Variants in PLS1 observed in about 807,000 individuals in gnomAD.
PLS1 encodes plastin 1.
Under a neutral mutation model 73.7 loss-of-function variants are expected in PLS1, and 32 were observed. That is an observed-to-expected ratio of 0.43 (90% CI 0.33 to 0.58). PLS1 has a LOEUF of 0.58. PLS1 is among the 20% of genes least tolerant of loss of function. The pLI, the probability that PLS1 is intolerant of heterozygous loss-of-function variation, is 0.04. For synonymous variants in PLS1, 217 were observed against 261.3 expected, an observed-to-expected ratio of 0.83 and a Z score of 1.63; for missense variants, 633 against 740.5, an observed-to-expected ratio of 0.85 and a Z score of 1.68.
At chr3:142,633,643 C>T (rs1031753714) in intron 1 of PLS1, among the ~76,000 whole-genome samples, 1 of 150,712 alleles carries the variant, frequency 6.6e-6, no homozygotes, top group African/African-American at 2.5e-5. Flanking sequence ...GCGAGAAGAG[C>T]GAAACTCCAT....
chr3:142,671,169 TTAAG>T, intron 4 of PLS1, 47 bp downstream of exon 4: 1 of 1,493,236 alleles, frequency 6.7e-7, no homozygotes, highest in African/African-American at 1.4e-5. Context: ...GATTCATTGA[TTAAG>T]TGACATATTT....
chr3:142,668,633 G>A (rs370990648), intron 2 of PLS1, among the ~76,000 whole-genome samples: 2 of 148,468 alleles, frequency 1.3e-5, no homozygotes, highest in Admixed American at 6.8e-5. Flanking sequence ...ATGGAGTCTC[G>A]CTTTGTTGCC....
chr3:142,640,509 T>G (rs1487213751), intron 1 of PLS1, among the ~76,000 whole-genome samples: 3 of 152,200 alleles, frequency 2.0e-5, no homozygotes, highest in Non-Finnish European at 2.9e-5. Flanking sequence ...GTAATATGAT[T>G]GCTTATTCAG....
In PLS1 at chr3:142,713,014, A is replaced by G. The variant is rs1933205762; in HGVS notation, c.*1007A>G. ...TATACTTGCTAGTTTAGGTCTCTATAGAAGCCCTATATAATTTAGAATATG... is the reference window on the plus strand; with the variant it reads ...TATACTTGCTAGTTTAGGTCTCTATGGAAGCCCTATATAATTTAGAATATG... On this transcript the variant is annotated 3_prime_UTR_variant, in exon 16 of 16. Coordinates refer to ENST00000457734, the MANE Select transcript of PLS1 (RefSeq NM_001145319.2). 1 of 152,592 alleles carries G rather than the reference A, an allele frequency of 6.6e-6. No individual in the cohort carries two copies. Among genetic ancestry groups the G allele is most frequent in the African/African-American group, 2.4e-5 (1 of 41,442 alleles). 9.5% of individuals were successfully genotyped at this position (152,592 alleles called of 1,614,324 possible). A position where few individuals can be genotyped will look rare whatever the true frequency, so the allele number is the denominator to read the frequency against.
At chr3:142,681,082 T>G (rs2107879236) in intron 6 of PLS1, among the ~76,000 whole-genome samples, 1 of 152,310 alleles carries the variant, frequency 6.6e-6, no homozygotes, top group African/African-American at 2.4e-5. Context: ...TATTACCCCC[T>G]GCATATTTTG....
At chr3:142,654,492 G>A (rs1577844762) in intron 1 of PLS1, among the ~76,000 whole-genome samples, 2 of 152,024 alleles carry the variant, frequency 1.3e-5, no homozygotes, top group South Asian at 2.1e-4. Context: ...CTATAGGTGC[G>A]TACCACCATG....
intron 1 of PLS1, among the ~76,000 whole-genome samples, chr3:142,605,864 C>T (rs2036008593): frequency 6.6e-6 from 1 of 152,100 alleles, no homozygotes; most frequent in Admixed American, 6.6e-5. Context: ...CTTATACTTC[C>T]TGCTAATGTA....
intron 4 of PLS1, among the ~76,000 whole-genome samples, chr3:142,675,337 C>A (rs2037697694): frequency 6.6e-6 from 1 of 151,928 alleles, no homozygotes. Flanking sequence ...AAGATATATA[C>A]CTTCATCTCT....
chr3:142,606,455 A>T (rs2036020453), intron 1 of PLS1, among the ~76,000 whole-genome samples: 1 of 152,218 alleles, frequency 6.6e-6, no homozygotes. Flanking sequence ...CATTGTTTTT[A>T]AAATAACAGT....
rs143792748 is a variant in PLS1 at position 142,698,229 on chromosome 3, A to G, written c.1371+162A>G. On this transcript the variant is annotated intron_variant, in intron 12 of 15. Coordinates refer to ENST00000457734, the MANE Select transcript of PLS1 (RefSeq NM_001145319.2). ...TTACAAGTTTGCTTTAATAAATTTG[A>G]AGATGAAGGCAATCCCTCTAGTCAG... 3.7e-3 allele frequency: 1,980 copies of G among 534,462 alleles called. 12 individuals carry two copies. Among genetic ancestry groups the G allele is most frequent in the Non-Finnish European group, 4.4e-3 (1,317 of 300,616 alleles). 33.1% of individuals were successfully genotyped at this position (534,462 alleles called of 1,614,324 possible).
chr3:142,620,878 C>T (rs1316992439), intron 1 of PLS1, among the ~76,000 whole-genome samples: 4 of 151,916 alleles, frequency 2.6e-5, no homozygotes, highest in Non-Finnish European at 2.9e-5. Flanking sequence ...ATTAGCTGGG[C>T]GCGGTGGCAG....
chr3:142,699,029 C>G (rs1332741524), intron 12 of PLS1, among the ~76,000 whole-genome samples: 1 of 152,116 alleles, frequency 6.6e-6, no homozygotes, highest in African/African-American at 2.4e-5. Flanking sequence ...CATGTTCTCA[C>G]TCATAAGTGG....
chr3:142,680,967 A>G (rs1233844138), intron 6 of PLS1, among the ~76,000 whole-genome samples: 2 of 152,198 alleles, frequency 1.3e-5, no homozygotes, highest in Non-Finnish European at 2.9e-5. Flanking sequence ...AATAGTAGCT[A>G]TTAAAATTCA....
rs373182290 is a variant in PLS1 at position 142,694,460 on chromosome 3, C to T, written c.1178-9C>T. 1.9e-6 allele frequency: 3 copies of T among 1,571,416 alleles called. No individual in the cohort carries two copies. Among genetic ancestry groups the T allele is most frequent in the Admixed American group, 1.7e-5 (1 of 59,464 alleles). The stretch of plus-strand genomic sequence containing the variant: ...CTGAGTCATCAGTGTGAGCTTGTGT[C>T]TACTCTAGGAGAGAGCAAGGAAGAG... On this transcript the variant is annotated splice_polypyrimidine_tract_variant and intron_variant, in intron 10 of 15. Coordinates refer to ENST00000457734, the MANE Select transcript of PLS1 (RefSeq NM_001145319.2).
chr3:142,622,071 C>T (rs576583637), intron 1 of PLS1, among the ~76,000 whole-genome samples: 53 of 152,186 alleles, frequency 3.5e-4, no homozygotes, highest in Admixed American at 7.9e-4. Flanking sequence ...TGTTGCAGTC[C>T]GGGTTGTCTC....
intron 1 of PLS1, among the ~76,000 whole-genome samples, chr3:142,606,651 A>C (rs773950115): frequency 3.3e-5 from 5 of 152,146 alleles, no homozygotes; most frequent in Non-Finnish European, 5.9e-5. Context: ...CTTTCTGTCT[A>C]TATATTTGCC....
intron 13 of PLS1, among the ~76,000 whole-genome samples, 181 bp downstream of exon 13, chr3:142,704,182 ATGG>A (rs937345515): frequency 6.6e-6 from 1 of 152,222 alleles, no homozygotes; most frequent in African/African-American, 2.4e-5. Flanking sequence ...TTATTTAAAA[ATGG>A]GTCAATATCC....
intron 1 of PLS1, among the ~76,000 whole-genome samples, chr3:142,612,897 C>T (rs546760974): frequency 1.3e-5 from 2 of 151,948 alleles, no homozygotes; most frequent in East Asian, 1.9e-4. Context: ...CCTGAGTAGC[C>T]GGGATTACAG....
chr3:142,610,487 C>G (rs2036101559), intron 1 of PLS1, among the ~76,000 whole-genome samples: 1 of 152,094 alleles, frequency 6.6e-6, no homozygotes, highest in Admixed American at 6.6e-5. Flanking sequence ...GCAGCCATAT[C>G]TAAAAATAAG....
Sources: allele counts gnomAD v4.1 joint callset (sites outside exome capture counted in the v4.1 genomes callset), GRCh38; gene constraint gnomAD v4.1.1; transcripts MANE v1.5; gene names NCBI Gene and HGNC (gene_info 2026-07-23, HGNC 2026-07-21).